GABRA4: variants seen among roughly 807,000 people sequenced by gnomAD.
The protein encoded by GABRA4 is gamma-aminobutyric acid type A receptor subunit alpha4.
Under a neutral mutation model 49.7 loss-of-function variants are expected in GABRA4, and 12 were observed. The ratio of observed to expected loss-of-function variants is 0.24; its 90% CI spans 0.15 to 0.39. The LOEUF (loss-of-function observed/expected upper bound fraction) is 0.39, where lower values mean the gene tolerates loss of function less well. Ranked by LOEUF, GABRA4 falls within the 10% of genes least tolerant of loss-of-function variation. The pLI, the probability that GABRA4 is intolerant of heterozygous loss-of-function variation, is 1.00. For missense variants in GABRA4, 506 were observed against 686.0 expected (o/e 0.74, Z 2.93); for synonymous variants, 288 against 240.2 (o/e 1.20, Z -1.84).
Position 46,929,304 on chromosome 4 carries a change from G to A in GABRA4, c.1135-549C>T, listed in dbSNP as rs566472681. ...CTAAGTCCTTTCAATTTACTTTCAT[G>A]AAAAGCATAGATAATAGTACACATT... is the stretch of plus-strand genomic sequence containing the variant. On this transcript the variant is annotated intron_variant, in intron 8 of 8. Transcript: ENST00000264318. 8.6e-5 allele frequency among the ~76,000 whole-genome samples: 13 copies of A among 151,932 alleles called. No homozygotes were observed. In the South Asian group the frequency reaches 2.3e-3, roughly 27 times the overall value.
At chr4:46,951,240 T>C (rs1722162558) in intron 8 of GABRA4, among the ~76,000 whole-genome samples, 2 of 151,312 alleles carry the variant, frequency 1.3e-5, no homozygotes, top group Admixed American at 1.3e-4. Context: ...TGGGACTTTT[T>C]ACTGTTATTA....
rs1272056087 is a variant in GABRA4, at chr4:46,979,209, G to A, written c.206-111C>T. ...GATATGATATATCATGTTTTTACAA[G>A]CATCTTACATTTTCAGTGAGATAAT... is the stretch of plus-strand genomic sequence containing the variant. On this transcript the variant is annotated intron_variant, in intron 2 of 8. Coordinates refer to ENST00000264318, the MANE Select transcript of GABRA4 (RefSeq NM_000809.4). 20 of 653,326 alleles carry A rather than the reference G, an allele frequency of 3.1e-5. No individual in the cohort carries two copies. In the South Asian group the frequency reaches 3.2e-4, roughly 10 times the overall value. 40.5% of individuals were successfully genotyped at this position (653,326 alleles called of 1,614,324 possible). A position where few individuals can be genotyped will look rare whatever the true frequency, so the allele number is the denominator to read the frequency against.
chr4:46,962,274 A>G (rs1400464979), intron 8 of GABRA4, among the ~76,000 whole-genome samples: 4 of 108,364 alleles, frequency 3.7e-5, no homozygotes, highest in Non-Finnish European at 8.1e-5. Context: ...AGGATACAAA[A>G]TTAATATACA....
intron 2 of GABRA4, among the ~76,000 whole-genome samples, chr4:46,991,087 G>T (rs1723726493): frequency 6.6e-6 from 1 of 152,134 alleles, no homozygotes; most frequent in African/African-American, 2.4e-5. Context: ...TCTGGGGGCT[G>T]AGGCAGGAGA....
At position 46,979,088 on chromosome 4, in the gene GABRA4, T is replaced by C. The variant is rs747869334; in HGVS notation, c.216A>G (p.Thr72=). 1 of 1,605,672 alleles carries C rather than the reference T, an allele frequency of 6.2e-7. No homozygotes were observed. Among genetic ancestry groups the C allele is most frequent in the South Asian group, 1.1e-5 (1 of 90,714 alleles). The change falls in exon 3 of 9, where the codon ACA becomes ACG. Residue 72 remains threonine, a synonymous_variant. Coordinates refer to ENST00000264318, the MANE Select transcript of GABRA4 (RefSeq NM_000809.4). ...TGACATATATGTCAGTTTTCACTTCTGTAACAGGACCTAACGGGTATGAAG... is the reference window on the plus strand; with the variant it reads ...TGACATATATGTCAGTTTTCACTTCCGTAACAGGACCTAACGGGTATGAAG... ...RLRPGFGGPV[T]EVKTDIYVTS...
At chr4:46,990,910 G>T (rs1057336237) in intron 2 of GABRA4, among the ~76,000 whole-genome samples, 1 of 152,184 alleles carries the variant, frequency 6.6e-6, no homozygotes, top group Admixed American at 6.5e-5. Context: ...GGCCCGGCGC[G>T]GCTCACGCCT....
chr4:46,946,832 C>T (rs545339325), intron 8 of GABRA4, among the ~76,000 whole-genome samples: 1 of 151,978 alleles, frequency 6.6e-6, no homozygotes, highest in Non-Finnish European at 1.5e-5. Context: ...CTTTTGAACA[C>T]AAAGCAATAA....
At chr4:46,977,008 T>C in intron 5 of GABRA4, 53 bp downstream of exon 5, 1 of 995,076 alleles carries the variant, frequency 1.0e-6, no homozygotes, top group Non-Finnish European at 1.6e-6. Flanking sequence ...TGTGTAAATA[T>C]TAGCTTGCAT....
Position 46,922,887 on chromosome 4 carries a change from C to T in GABRA4, c.*5338G>A, listed in dbSNP as rs1479766375. On this transcript the variant is annotated 3_prime_UTR_variant, in exon 9 of 9. Coordinates refer to ENST00000264318, the MANE Select transcript of GABRA4 (RefSeq NM_000809.4). ...CCAACCCCTGGGCCACTGACCAGTA[C>T]TTATCCATGACCTGTTAGGAATTGG... The T allele has an allele frequency of 6.6e-6, 1 of 152,150 alleles. No homozygotes were observed. The highest frequency in any genetic ancestry group is 1.5e-5 in the Non-Finnish European group (1 of 68,028). The allele number at this position is 152,150 out of a possible 1,614,324, so 9.4% of individuals were successfully genotyped here. A position where few individuals can be genotyped will look rare whatever the true frequency, so the allele number is the denominator to read the frequency against.
In GABRA4 at chr4:46,974,334, C is replaced by A. The variant is rs754736734; in HGVS notation, c.619G>T (p.Gly207Cys). The A allele has an allele frequency of 2.5e-6, 4 of 1,611,538 alleles. No homozygotes were observed. Among genetic ancestry groups the A allele is most frequent in the Non-Finnish European group, 3.4e-6 (4 of 1,178,424 alleles). ...KSEMIYTWTK[G>C]PEKSVEVPKE... ...GGAACTTCAACTGATTTCTCAGGAC[C>A]TTTTGTCCAGGTATAGATCATCTCA... The change falls in exon 6 of 9, where the codon GGT becomes TGT. Residue 207 changes from glycine (G) to cysteine (C), a missense_variant. Gly to Cys is a radical substitution (Grantham distance 159). This residue lies in a region of GABRA4 where 195 missense variants were observed against 326.0 expected (regional missense o/e 0.60). Coordinates refer to ENST00000264318, the MANE Select transcript of GABRA4 (RefSeq NM_000809.4).
At chr4:46,955,619 C>T (rs1335663340) in intron 8 of GABRA4, among the ~76,000 whole-genome samples, 2 of 151,920 alleles carry the variant, frequency 1.3e-5, no homozygotes, top group African/African-American at 2.4e-5. Flanking sequence ...TCATTCCTAC[C>T]ACCCTCATAT....
chr4:46,947,792 G>T (rs917895970), intron 8 of GABRA4, among the ~76,000 whole-genome samples: 3 of 152,054 alleles, frequency 2.0e-5, no homozygotes, highest in Non-Finnish European at 4.4e-5. Context: ...ATCTTGTGCT[G>T]CATAATAAAT....
chr4:46,971,750 A>T (rs1196515771), intron 6 of GABRA4, among the ~76,000 whole-genome samples: 2 of 151,240 alleles, frequency 1.3e-5, no homozygotes. Flanking sequence ...TATAGATTTC[A>T]TACACAGTCA....
intron 8 of GABRA4, among the ~76,000 whole-genome samples, chr4:46,957,544 A>G (rs1010178505): frequency 1.3e-5 from 2 of 152,002 alleles, no homozygotes; most frequent in African/African-American, 4.8e-5. Flanking sequence ...TTGAAAAAAG[A>G]AAGTCGTTAT....
chr4:46,972,266 G>C (rs975864310), intron 6 of GABRA4, among the ~76,000 whole-genome samples: 1 of 151,654 alleles, frequency 6.6e-6, no homozygotes, highest in African/African-American at 2.4e-5. Flanking sequence ...ATTTAGGAGA[G>C]AGGAGCAGTG....
intron 8 of GABRA4, among the ~76,000 whole-genome samples, chr4:46,953,568 ATTAG>A (rs1398538741): frequency 1.3e-5 from 2 of 152,182 alleles, no homozygotes; most frequent in African/African-American, 4.8e-5. Flanking sequence ...AAAACTGTGG[ATTAG>A]TTAGTCTACA....
At chr4:46,979,231 T>A (rs901145442) in intron 2 of GABRA4, 133 bp from the exon 3 acceptor site, 3 of 612,738 alleles carry the variant, frequency 4.9e-6, no homozygotes, top group African/African-American at 3.8e-5. Flanking sequence ...TTCAGTGAGA[T>A]AATGAATCTC....
At chr4:46,974,423 C>A in intron 5 of GABRA4, 48 bp from the exon 6 acceptor site, 2 of 1,555,978 alleles carry the variant, frequency 1.3e-6, no homozygotes, top group Non-Finnish European at 1.7e-6. Context: ...CCTTTTTCAT[C>A]CACATCAGTG....
At chr4:46,949,605 G>GA (rs1722096127) in intron 8 of GABRA4, among the ~76,000 whole-genome samples, 1 of 151,990 alleles carries the variant, frequency 6.6e-6, no homozygotes, top group Non-Finnish European at 1.5e-5. Flanking sequence ...ATATTTCATT[G>GA]AAAAAATGTT....
Sources: allele counts gnomAD v4.1 joint callset (sites outside exome capture counted in the v4.1 genomes callset), GRCh38; gene constraint gnomAD v4.1.1; regional missense constraint gnomAD v4.1.1; transcripts MANE v1.5; gene names NCBI Gene and HGNC (gene_info 2026-07-23, HGNC 2026-07-21).